Variants in EIF2AK2 observed in about 807,000 individuals in gnomAD.
EIF2AK2 encodes eukaryotic translation initiation factor 2 alpha kinase 2.
A neutral mutation model predicts 70.5 loss-of-function variants in EIF2AK2; 40 were observed. The observed-to-expected ratio is 0.57, with a 90% CI of 0.44 to 0.74. The LOEUF is 0.74. EIF2AK2 is among the 30% of genes least tolerant of loss of function. EIF2AK2 has a pLI of 0.00. For missense variants in EIF2AK2, 555 were observed against 644.3 expected (o/e 0.86, Z 1.50); for synonymous variants, 198 against 220.9 (o/e 0.90, Z 0.92).
intron 15 of EIF2AK2, among the ~76,000 whole-genome samples, 155 bp downstream of exon 15, chr2:37,109,039 A>C (rs2148663422): frequency 6.6e-6 from 1 of 152,266 alleles, no homozygotes; most frequent in South Asian, 2.1e-4. Flanking sequence ...TCTCTGCCAA[A>C]CCTTGAAAGA....
At chr2:37,154,831 C>T (rs535767428) in intron 1 of EIF2AK2, among the ~76,000 whole-genome samples, 24 of 152,138 alleles carry the variant, frequency 1.6e-4, no homozygotes, top group Non-Finnish European at 2.4e-4. Context: ...CAAAGTGCTG[C>T]GATTACAGGC....
At chr2:37,127,989 G>A (rs1344957126) in intron 10 of EIF2AK2, among the ~76,000 whole-genome samples, 2 of 152,046 alleles carry the variant, frequency 1.3e-5, no homozygotes, top group African/African-American at 2.4e-5. Flanking sequence ...TGATCCATCC[G>A]CCTCAGCCTC....
chr2:37,129,806 C>T lies in EIF2AK2; in HGVS notation c.786-3395G>A, dbSNP rs559709642. On this transcript the variant is annotated intron_variant, in intron 10 of 16. Transcript: ENST00000233057. ...ACTAGGAAGGGACATCCTACACAAA[C>T]GGGGACGAATCATTCATTTATCAAC... Among the ~76,000 whole-genome samples, 9 of 152,262 alleles carry T rather than the reference C, an allele frequency of 5.9e-5. No individual in the cohort carries two copies. The South Asian group carries it at 8.3e-4, about 14-fold the overall frequency.
chr2:37,138,943 A>G (rs901414561), intron 6 of EIF2AK2, among the ~76,000 whole-genome samples: 5 of 149,326 alleles, frequency 3.3e-5, no homozygotes, highest in Admixed American at 2.0e-4. Context: ...CTACAGGTAC[A>G]TGCCACCACA....
chr2:37,128,298 T>G (rs182751968), intron 10 of EIF2AK2, among the ~76,000 whole-genome samples: 4 of 152,316 alleles, frequency 2.6e-5, no homozygotes, highest in Non-Finnish European at 4.4e-5. Context: ...CAGAGTAGAC[T>G]TTTTTTCAAG....
chr2:37,136,411 A>T lies in EIF2AK2; in HGVS notation c.722+572T>A, dbSNP rs544150659. On this transcript the variant is annotated intron_variant, in intron 9 of 16. Transcript: ENST00000233057. ...ATTCTCCTCATCCCTCCTGACTGCC[A>T]CAGTAATCGTGGCTGAGGGCACCTC... Among the ~76,000 whole-genome samples the T allele has an allele frequency of 6.6e-4, 100 of 152,260 alleles. 4 individuals are homozygous for T. In the South Asian group the frequency reaches 0.02, roughly 31 times the overall value.
rs116015029 is a variant in EIF2AK2 at position 37,132,650 on chromosome 2, C to T, written c.785+2834G>A. Among the ~76,000 whole-genome samples, 533 of 152,226 alleles carry T rather than the reference C, an allele frequency of 3.5e-3. 7 individuals are homozygous for T. Among genetic ancestry groups the T allele is most frequent in the African/African-American group, 0.012 (505 of 41,532 alleles). On this transcript the variant is annotated intron_variant, in intron 10 of 16. Transcript: ENST00000233057. ...ACATCCACAACCTCTTGCACACTAG[C>T]CATTCCCCTCTACAACATTTCTTAA... is the stretch of plus-strand genomic sequence containing the variant.
In EIF2AK2 at chr2:37,147,822, CCTA is replaced by C; in HGVS notation, c.-16-3_-16-1del. ...CACCAGCCATTTCTTCTTCCCGTAT[CCTA>C]CAATGGAAGAGACATTTGAATGAGT... On this transcript the variant is annotated splice_acceptor_variant and splice_polypyrimidine_tract_variant and intron_variant, in intron 2 of 16. Transcript: ENST00000233057. LOFTEE classifies it low-confidence loss of function (5UTR_SPLICE). 6.4e-7 allele frequency: 1 copy of C among 1,572,090 alleles called. No individual in the cohort carries two copies. Among genetic ancestry groups the C allele is most frequent in the Non-Finnish European group, 8.7e-7 (1 of 1,142,958 alleles).
intron 15 of EIF2AK2, among the ~76,000 whole-genome samples, chr2:37,108,673 G>A (rs1051825212): frequency 1.3e-5 from 2 of 152,092 alleles, no homozygotes; most frequent in Non-Finnish European, 2.9e-5. Context: ...AGGTTCAAGC[G>A]ATTCTCCTGC....
intron 10 of EIF2AK2, 54 bp from the exon 11 acceptor site, chr2:37,126,465 C>G (rs573478724): frequency 2.2e-5 from 35 of 1,574,668 alleles, no homozygotes; most frequent in South Asian, 1.6e-4. Context: ...CCCCCACCCC[C>G]CCGCCTCCCC....
At chr2:37,151,401 T>C (rs1675736300) in intron 1 of EIF2AK2, among the ~76,000 whole-genome samples, 1 of 151,974 alleles carries the variant, frequency 6.6e-6, no homozygotes, top group African/African-American at 2.4e-5. Flanking sequence ...CTAAATACAA[T>C]TTCACACCCA....
chr2:37,153,812 A>C (rs907361938), intron 1 of EIF2AK2, among the ~76,000 whole-genome samples: 1 of 152,180 alleles, frequency 6.6e-6, no homozygotes, highest in Non-Finnish European at 1.5e-5. Flanking sequence ...TATCTGTTTA[A>C]GTCCCTACTT....
intron 15 of EIF2AK2, among the ~76,000 whole-genome samples, chr2:37,107,771 C>G (rs1674012643): frequency 2.0e-5 from 3 of 152,132 alleles, no homozygotes; most frequent in Admixed American, 1.3e-4. Flanking sequence ...CATTTTGGAA[C>G]CCTAAGTGAT....
intron 15 of EIF2AK2, among the ~76,000 whole-genome samples, 160 bp downstream of exon 15, chr2:37,109,034 G>A (rs1161180486): frequency 6.6e-6 from 1 of 152,174 alleles, no homozygotes; most frequent in Non-Finnish European, 1.5e-5. Context: ...TTTGGTCTCT[G>A]CCAAACCTTG....
chr2:37,152,504 C>T (rs1354697988), intron 1 of EIF2AK2, among the ~76,000 whole-genome samples: 13 of 152,120 alleles, frequency 8.5e-5, no homozygotes. Context: ...TGGTCTCCAA[C>T]TCCTGAACTC....
chr2:37,109,343 T>C (rs1674068658), intron 14 of EIF2AK2, 48 bp from the exon 15 acceptor site: 1 of 1,543,882 alleles, frequency 6.5e-7, no homozygotes, highest in African/African-American at 1.4e-5. Context: ...CTTACATAAA[T>C]ATCCAGCCTT....
chr2:37,121,417 G>T (rs1356444622), intron 12 of EIF2AK2, among the ~76,000 whole-genome samples: 2 of 151,834 alleles, frequency 1.3e-5, no homozygotes, highest in Admixed American at 1.3e-4. Flanking sequence ...AAGTAACTTT[G>T]AAACCTTTTA....
intron 9 of EIF2AK2, 145 bp from the exon 10 acceptor site, chr2:37,135,691 T>A: frequency 3.1e-6 from 2 of 647,110 alleles, no homozygotes; most frequent in Non-Finnish European, 5.1e-6. Flanking sequence ...TGCAGTGGTG[T>A]GATCATAGCT....
chr2:37,122,555 AATC>A lies in EIF2AK2; in HGVS notation c.1015_1017del (p.Asp339del), dbSNP rs1674593891. 1 of 1,614,166 alleles carries A rather than the reference AATC, an allele frequency of 6.2e-7. No individual in the cohort carries two copies. Among genetic ancestry groups the A allele is most frequent in the East Asian group, 2.2e-5 (1 of 44,884 alleles). On this transcript the variant is annotated inframe_deletion, in exon 12 of 17. Transcript: ENST00000233057. ...GGATCATAATCACTGCTCTCAAGAG[AATC>A]ATCACTGGTCTCAGGATCATAATCA...
Sources: allele counts gnomAD v4.1 joint callset (sites outside exome capture counted in the v4.1 genomes callset), GRCh38; gene constraint gnomAD v4.1.1; transcripts MANE v1.5; gene names NCBI Gene and HGNC (gene_info 2026-07-23, HGNC 2026-07-21).